The following SPIDR variants were observed in gnomAD, a reference collection of about 807,000 sequenced individuals.
SPIDR encodes scaffold protein involved in DNA repair.
Under a neutral mutation model 104.6 loss-of-function variants are expected in SPIDR, and 93 were observed. The ratio of observed to expected loss-of-function variants is 0.89; its 90% CI spans 0.75 to 1.06. The LOEUF (loss-of-function observed/expected upper bound fraction) is 1.06. SPIDR is among the 50% of genes least tolerant of loss of function. The pLI, the probability that SPIDR is intolerant of heterozygous loss-of-function variation, is 0.00. For missense variants in SPIDR, 1,154 were observed against 1,111.2 expected, an observed-to-expected ratio of 1.04 and a Z score of -0.55; for synonymous variants, 431 against 416.9, an observed-to-expected ratio of 1.03 and a Z score of -0.41.
intron 3 of SPIDR, among the ~76,000 whole-genome samples, chr8:47,284,863 G>C (rs2038513061): frequency 3.3e-5 from 5 of 152,234 alleles, no homozygotes. Context: ...TGCTGCTAAA[G>C]AAAACTGGGG....
chr8:47,543,396 C>T (rs2088624418), intron 8 of SPIDR, among the ~76,000 whole-genome samples: 1 of 152,112 alleles, frequency 6.6e-6, no homozygotes, highest in South Asian at 2.1e-4. Flanking sequence ...TTTTAATGTG[C>T]ATTTCCCTAA....
intron 8 of SPIDR, among the ~76,000 whole-genome samples, chr8:47,565,627 A>AAT (rs1233676631): frequency 3.9e-4 from 59 of 152,086 alleles, no homozygotes; most frequent in Admixed American, 1.1e-3. Flanking sequence ...AAAATATTTT[A>AAT]TAGTCTTTAC....
chr8:47,465,741 A>G (rs1344148785), intron 8 of SPIDR, among the ~76,000 whole-genome samples: 4 of 152,158 alleles, frequency 2.6e-5, no homozygotes, highest in Admixed American at 1.3e-4. Context: ...ATCAAAAAAA[A>G]TACATAACAG....
intron 5 of SPIDR, among the ~76,000 whole-genome samples, chr8:47,305,579 T>C (rs946920095): frequency 6.6e-6 from 1 of 152,234 alleles, no homozygotes; most frequent in Non-Finnish European, 1.5e-5. Context: ...GAGTGTATTA[T>C]AATCTTGCAG....
intron 10 of SPIDR, among the ~76,000 whole-genome samples, chr8:47,614,934 A>G (rs530191710): frequency 6.6e-6 from 1 of 152,208 alleles, no homozygotes; most frequent in Admixed American, 6.5e-5. Context: ...TTTGATTTGC[A>G]TTTCTGTAAG....
At chr8:47,291,593 C>T (rs1410030845) in intron 4 of SPIDR, among the ~76,000 whole-genome samples, 5 of 152,166 alleles carry the variant, frequency 3.3e-5, no homozygotes, top group Admixed American at 1.3e-4. Context: ...GAAACATTTT[C>T]TTGTTTAATA....
At chr8:47,704,491 C>G (rs1449312240) in intron 14 of SPIDR, among the ~76,000 whole-genome samples, 2 of 152,100 alleles carry the variant, frequency 1.3e-5, no homozygotes, top group Non-Finnish European at 2.9e-5. Context: ...GCTCCACGGT[C>G]CCTCAGTTAC....
intron 11 of SPIDR, among the ~76,000 whole-genome samples, chr8:47,680,765 C>A (rs1563523633): frequency 6.6e-6 from 1 of 152,166 alleles, no homozygotes; most frequent in African/African-American, 2.4e-5. Flanking sequence ...TAAAATTGTT[C>A]CTGGTGACTT....
At chr8:47,733,395 T>A (rs2085593423) in intron 19 of SPIDR, among the ~76,000 whole-genome samples, 1 of 152,240 alleles carries the variant, frequency 6.6e-6, no homozygotes, top group East Asian at 1.9e-4. Context: ...TCAAAAAAAG[T>A]AATAAAAAAT....
intron 11 of SPIDR, among the ~76,000 whole-genome samples, chr8:47,681,388 CAT>C (rs1324227606): frequency 6.6e-6 from 1 of 151,740 alleles, no homozygotes; most frequent in Non-Finnish European, 1.5e-5. Context: ...TTTTTTTTAA[CAT>C]AGAGCATTTT....
intron 4 of SPIDR, among the ~76,000 whole-genome samples, chr8:47,291,900 C>A (rs2039973503): frequency 6.6e-6 from 1 of 152,214 alleles, no homozygotes; most frequent in African/African-American, 2.4e-5. Context: ...CAGAGTTTCT[C>A]ATCCTTGACA....
intron 14 of SPIDR, among the ~76,000 whole-genome samples, chr8:47,702,730 C>T (rs2154484270): frequency 6.6e-6 from 1 of 152,326 alleles, no homozygotes; most frequent in Admixed American, 6.5e-5. Flanking sequence ...AAACTCTTGT[C>T]CACTCATGGG....
At chr8:47,705,028 C>T (rs1255383394) in intron 14 of SPIDR, among the ~76,000 whole-genome samples, 1 of 152,192 alleles carries the variant, frequency 6.6e-6, no homozygotes, top group Non-Finnish European at 1.5e-5. Context: ...TGCCTTTCAC[C>T]CATAGGGAGA....
chr8:47,655,921 T>C (rs919591292), intron 10 of SPIDR, among the ~76,000 whole-genome samples: 2 of 152,208 alleles, frequency 1.3e-5, no homozygotes, highest in African/African-American at 2.4e-5. Context: ...CTTACATTTT[T>C]GGTCCATTGA....
At chr8:47,289,116 T>G (rs2039426408) in intron 3 of SPIDR, among the ~76,000 whole-genome samples, 1 of 152,146 alleles carries the variant, frequency 6.6e-6, no homozygotes, top group Non-Finnish European at 1.5e-5. Flanking sequence ...CTTAAACTCG[T>G]CCTCCTGCTT....
At chr8:47,335,399 A>AT (rs1379883331) in intron 5 of SPIDR, among the ~76,000 whole-genome samples, 2 of 151,716 alleles carry the variant, frequency 1.3e-5, no homozygotes, top group Non-Finnish European at 2.9e-5. Context: ...TAGATTGGTA[A>AT]TTTTTTTTCT....
intron 8 of SPIDR, among the ~76,000 whole-genome samples, chr8:47,445,235 C>T (rs1297520213): frequency 3.3e-5 from 5 of 152,208 alleles, no homozygotes; most frequent in African/African-American, 9.7e-5. Flanking sequence ...ATGTGCTCAC[C>T]TGTCTCTATA....
In SPIDR at chr8:47,735,472, A is replaced by C. The variant is rs1320231907; in HGVS notation, c.*22A>C. On this transcript the variant is annotated 3_prime_UTR_variant, in exon 20 of 20. Transcript: ENST00000297423. ...CTAGCGGTTGCCGCAGGATCTGTGA[A>C]CTTTGCAATGTGGCTGCAAGGGTGG... The C allele has an allele frequency of 3.7e-6, 6 of 1,613,854 alleles. No individual in the cohort carries two copies. Among genetic ancestry groups the C allele is most frequent in the Non-Finnish European group, 5.1e-6 (6 of 1,180,022 alleles).
chr8:47,687,718 GA>G (rs1290654728), intron 11 of SPIDR, among the ~76,000 whole-genome samples: 2 of 152,326 alleles, frequency 1.3e-5, no homozygotes, highest in African/African-American at 4.8e-5. Context: ...ACACTTCTGA[GA>G]GTGTTTCCAT....
Sources: gnomAD v4.1 joint callset for allele counts (sites outside exome capture counted in the v4.1 genomes callset) on GRCh38, gnomAD v4.1.1 for gene constraint, MANE v1.5 for transcripts, NCBI Gene and HGNC (gene_info 2026-07-23, HGNC 2026-07-21) for gene names.